The following CBFA2T2 variants were observed in gnomAD, a reference collection of about 807,000 sequenced individuals.
The protein encoded by CBFA2T2 is protein CBFA2T2.
CBFA2T2 carries 11 observed loss-of-function variants against 62.2 expected under a neutral mutation model. The observed-to-expected ratio is 0.18, with a 90% CI of 0.11 to 0.29. CBFA2T2 has a LOEUF of 0.29. CBFA2T2 is among the 10% of genes least tolerant of loss of function. The pLI is 1.00. For missense variants in CBFA2T2, 592 were observed against 774.1 expected (o/e 0.76, Z 2.79); for synonymous variants, 295 against 287.5 (o/e 1.03, Z -0.27).
intron 1 of CBFA2T2, among the ~76,000 whole-genome samples, chr20:33,498,035 T>G (rs2011222950): frequency 6.6e-6 from 1 of 152,116 alleles, no homozygotes; most frequent in Non-Finnish European, 1.5e-5. Context: ...TTAGTTTTCT[T>G]TTTATCTTAC....
chr20:33,615,354 T>C (rs2015666791), intron 3 of CBFA2T2, among the ~76,000 whole-genome samples: 2 of 152,176 alleles, frequency 1.3e-5, no homozygotes, highest in African/African-American at 2.4e-5. Context: ...GAATGTACTT[T>C]CTGGAGGATA....
chr20:33,538,349 G>T (rs2012322205), intron 1 of CBFA2T2, among the ~76,000 whole-genome samples: 1 of 151,846 alleles, frequency 6.6e-6, no homozygotes, highest in South Asian at 2.1e-4. Context: ...TTTTTGGGGA[G>T]ATTCCATTGG....
At chr20:33,603,087 A>G (rs951735567) in intron 1 of CBFA2T2, among the ~76,000 whole-genome samples, 1 of 152,258 alleles carries the variant, frequency 6.6e-6, no homozygotes, top group African/African-American at 2.4e-5. Context: ...TCCATTTGAT[A>G]TTTTTGGACT....
chr20:33,588,160 G>A (rs1319583602), intron 1 of CBFA2T2, among the ~76,000 whole-genome samples: 3 of 152,094 alleles, frequency 2.0e-5, no homozygotes, highest in Admixed American at 2.0e-4. Context: ...GTACACCCCT[G>A]TGAAGCCATC....
chr20:33,590,809 C>T (rs2014584201), intron 1 of CBFA2T2, among the ~76,000 whole-genome samples: 1 of 152,046 alleles, frequency 6.6e-6, no homozygotes, highest in African/African-American at 2.4e-5. Flanking sequence ...TTTCTTTGCG[C>T]TGGGGGAATA....
At chr20:33,561,362 A>G (rs561526114) in intron 1 of CBFA2T2, among the ~76,000 whole-genome samples, 5 of 152,286 alleles carry the variant, frequency 3.3e-5, no homozygotes, top group Admixed American at 2.0e-4. Flanking sequence ...GGTGTGAGTC[A>G]CTGCACCTGG....
At chr20:33,635,493 C>T (rs1200632490) in intron 8 of CBFA2T2, among the ~76,000 whole-genome samples, 1 of 152,174 alleles carries the variant, frequency 6.6e-6, no homozygotes, top group Non-Finnish European at 1.5e-5. Flanking sequence ...CAGCCCAGAA[C>T]CTTGCTAGAG....
At chr20:33,553,313 A>G (rs1319530100) in intron 1 of CBFA2T2, among the ~76,000 whole-genome samples, 1 of 151,978 alleles carries the variant, frequency 6.6e-6, no homozygotes, top group Non-Finnish European at 1.5e-5. Flanking sequence ...TGCAGCCTCC[A>G]CCTCCCGGGT....
chr20:33,546,458 C>G (rs1041625538), intron 1 of CBFA2T2, among the ~76,000 whole-genome samples: 9 of 145,468 alleles, frequency 6.2e-5, no homozygotes, highest in African/African-American at 1.0e-4. Context: ...GAGACACACT[C>G]TCTCTGTCAT....
chr20:33,633,444 T>C (rs536239480), intron 8 of CBFA2T2, among the ~76,000 whole-genome samples: 1 of 152,180 alleles, frequency 6.6e-6, no homozygotes, highest in Non-Finnish European at 1.5e-5. Context: ...TGGATAGTTA[T>C]TGAAGTAAAG....
chr20:33,623,888 G>A (rs1442872107), intron 5 of CBFA2T2: 14 of 715,634 alleles, frequency 2.0e-5, no homozygotes, highest in Admixed American at 6.0e-5. Context: ...TTTATGGGTC[G>A]ACTGTTCCAG....
chr20:33,600,119 G>C (rs549561854), intron 1 of CBFA2T2, among the ~76,000 whole-genome samples: 1 of 141,456 alleles, frequency 7.1e-6, no homozygotes, highest in East Asian at 2.3e-4. Context: ...GGCTATAAAT[G>C]TAACAGTAAT....
At chr20:33,563,884 C>T (rs987694086) in intron 1 of CBFA2T2, among the ~76,000 whole-genome samples, 4 of 152,100 alleles carry the variant, frequency 2.6e-5, no homozygotes, top group South Asian at 2.1e-4. Context: ...TTGCTGTACT[C>T]GTCTCAGATT....
At chr20:33,608,262 C>T (rs1250392010) in intron 2 of CBFA2T2, among the ~76,000 whole-genome samples, 1 of 152,222 alleles carries the variant, frequency 6.6e-6, no homozygotes, top group East Asian at 1.9e-4. Flanking sequence ...TGACACTCTG[C>T]AGATCTTTTG....
rs566575421 is a variant in CBFA2T2, at chr20:33,555,326, A to G, written c.35-51630A>G. On this transcript the variant is annotated intron_variant, in intron 1 of 10. Coordinates refer to ENST00000342704, the MANE Select transcript of CBFA2T2 (RefSeq NM_001032999.3). The stretch of plus-strand genomic sequence containing the variant: ...GTTGTCATCATCAGAGTAAGAAACC[A>G]AAGAAGAGACCGTCATGAATGGGAT... 2.6e-5 allele frequency among the ~76,000 whole-genome samples: 4 copies of G among 152,332 alleles called. No homozygotes were observed. The Middle Eastern group carries it at 0.014, about 518-fold the overall frequency.
intron 1 of CBFA2T2, among the ~76,000 whole-genome samples, chr20:33,553,938 A>T (rs1460465208): frequency 6.6e-6 from 1 of 152,078 alleles, no homozygotes; most frequent in Non-Finnish European, 1.5e-5. Context: ...GTTTACTAGT[A>T]GGCATATGCT....
chr20:33,637,965 CCT>C (rs2016687953), intron 9 of CBFA2T2, among the ~76,000 whole-genome samples: 1 of 116,892 alleles, frequency 8.6e-6, no homozygotes, highest in Non-Finnish European at 1.6e-5. Flanking sequence ...CTGCACCCGG[CCT>C]TTTTTTTTTT....
chr20:33,505,329 C>T (rs2011383713), intron 1 of CBFA2T2, among the ~76,000 whole-genome samples: 2 of 152,168 alleles, frequency 1.3e-5, no homozygotes, highest in South Asian at 2.1e-4. Flanking sequence ...CATCTTTTCA[C>T]CTGTCTACCT....
chr20:33,495,031 ATTGATC>A (rs1600894748), intron 1 of CBFA2T2, among the ~76,000 whole-genome samples: 1 of 152,210 alleles, frequency 6.6e-6, no homozygotes, highest in East Asian at 1.9e-4. Flanking sequence ...GGTGGAGATC[ATTGATC>A]TTGTAGTAGT....
Sources: allele counts gnomAD v4.1 joint callset (sites outside exome capture counted in the v4.1 genomes callset), GRCh38; gene constraint gnomAD v4.1.1; transcripts MANE v1.5; gene names NCBI Gene and HGNC (gene_info 2026-07-23, HGNC 2026-07-21).